KLHL7: variants seen among roughly 807,000 people sequenced by gnomAD.
The protein encoded by KLHL7 is kelch like family member 7, also known as kelch-like protein 7.
In KLHL7, 44 loss-of-function variants were observed where a neutral mutation model predicts 67.4. The ratio of observed to expected loss-of-function variants is 0.65; its 90% CI spans 0.51 to 0.84. The LOEUF (loss-of-function observed/expected upper bound fraction) is 0.84. KLHL7 is among the 40% of genes least tolerant of loss of function. The pLI is 0.00. For synonymous variants in KLHL7, 252 were observed against 243.3 expected (o/e 1.04, Z -0.33); for missense variants, 362 against 718.1 (o/e 0.50, Z 5.67).
intron 1 of KLHL7, among the ~76,000 whole-genome samples, chr7:23,119,661 C>T (rs1391891484): frequency 6.6e-6 from 1 of 152,244 alleles, no homozygotes; most frequent in Non-Finnish European, 1.5e-5. Flanking sequence ...TCTCCACCTT[C>T]TCACTACATT....
chr7:23,173,736 C>T (rs1370020637), intron 10 of KLHL7, among the ~76,000 whole-genome samples: 1 of 151,898 alleles, frequency 6.6e-6, no homozygotes, highest in African/African-American at 2.4e-5. Flanking sequence ...GGGAAATCAC[C>T]GATTGGTTTA....
chr7:23,154,799 C>T (rs1037381422), intron 7 of KLHL7, among the ~76,000 whole-genome samples: 1 of 152,164 alleles, frequency 6.6e-6, no homozygotes, highest in Admixed American at 6.5e-5. Context: ...AAAGTGTTAG[C>T]TATATGGCAA....
In KLHL7 at chr7:23,168,076, A is replaced by G. The variant is rs778302582; in HGVS notation, c.1379+39A>G. 8 of 1,573,508 alleles carry G rather than the reference A, an allele frequency of 5.1e-6. No individual in the cohort carries two copies. The African/African-American group carries it at 6.7e-5, about 13-fold the overall frequency. The stretch of plus-strand genomic sequence containing the variant: ...TAAAATTTATTTTACAGTTAACTGT[A>G]TTCTATAAGCTCTGTAGGAGATGTC... On this transcript the variant is annotated intron_variant, in intron 9 of 10. Transcript: ENST00000339077.
rs1785269260 is a variant in KLHL7, at chr7:23,175,189, C to T, written c.*891C>T. 1 of 453,896 alleles carries T rather than the reference C, an allele frequency of 2.2e-6. No homozygotes were observed. The highest frequency in any genetic ancestry group is 1.6e-5 in the South Asian group (1 of 64,472). 28.1% of individuals were successfully genotyped at this position (453,896 alleles called of 1,614,324 possible). ...GAGATCATGAATTCTTTTCCCTTAG[C>T]CAAAACATGAAATATTTAACCTAGT... is the stretch of plus-strand genomic sequence containing the variant. On this transcript the variant is annotated 3_prime_UTR_variant, in exon 11 of 11. Coordinates refer to ENST00000339077, the MANE Select transcript of KLHL7 (RefSeq NM_001031710.3).
At position 23,174,724 on chromosome 7, in the gene KLHL7, A is replaced by T. The variant is rs749269821; in HGVS notation, c.*426A>T. On this transcript the variant is annotated 3_prime_UTR_variant, in exon 11 of 11. Transcript: ENST00000339077. ...AGAACTAAGAAATAGTATGAATTGT[A>T]AGTCAAGATGGGCAACTCAGATGGA... 4 of 455,162 alleles carry T rather than the reference A, an allele frequency of 8.8e-6. No individual in the cohort carries two copies. Among genetic ancestry groups the T allele is most frequent in the African/African-American group, 2.0e-5 (1 of 50,050 alleles). 28.2% of individuals were successfully genotyped at this position (455,162 alleles called of 1,614,324 possible).
At chr7:23,159,545 T>A (rs1284459938) in intron 7 of KLHL7, among the ~76,000 whole-genome samples, 1 of 152,134 alleles carries the variant, frequency 6.6e-6, no homozygotes, top group Admixed American at 6.5e-5. Flanking sequence ...TCCTTCTTCT[T>A]CTTTGAAACA....
intron 5 of KLHL7, 129 bp downstream of exon 5, chr7:23,141,073 A>T: frequency 1.2e-6 from 1 of 858,680 alleles, no homozygotes. Flanking sequence ...CACTAAACAG[A>T]GTATTGTAAT....
At chr7:23,164,849 T>C (rs1014148220) in intron 7 of KLHL7, among the ~76,000 whole-genome samples, 14 of 152,342 alleles carry the variant, frequency 9.2e-5, no homozygotes, top group East Asian at 7.7e-4. Context: ...CTTGGTGAGA[T>C]TGGGAATGGT....
At chr7:23,147,281 G>T (rs1784388924) in intron 6 of KLHL7, among the ~76,000 whole-genome samples, 1 of 151,766 alleles carries the variant, frequency 6.6e-6, no homozygotes, top group Admixed American at 6.6e-5. Context: ...GCAGAGACAG[G>T]GTTTCGCCAT....
intron 4 of KLHL7, among the ~76,000 whole-genome samples, chr7:23,134,869 C>G (rs1783922888): frequency 6.6e-6 from 1 of 151,828 alleles, no homozygotes; most frequent in Non-Finnish European, 1.5e-5. Flanking sequence ...AAAGGTTTGT[C>G]CATTTTGTTT....
chr7:23,161,296 A>G (rs1003435080), intron 7 of KLHL7, among the ~76,000 whole-genome samples: 2 of 152,140 alleles, frequency 1.3e-5, no homozygotes, highest in African/African-American at 4.8e-5. Context: ...TACTCTCACC[A>G]TTTTATTATG....
chr7:23,126,008 A>T, intron 4 of KLHL7: 2 of 718,208 alleles, frequency 2.8e-6, no homozygotes, highest in Non-Finnish European at 2.5e-6. Flanking sequence ...AGACAGTAAA[A>T]GATTAACAAC....
At chr7:23,114,126 C>G (rs937169966) in intron 1 of KLHL7, among the ~76,000 whole-genome samples, 1 of 152,128 alleles carries the variant, frequency 6.6e-6, no homozygotes, top group African/African-American at 2.4e-5. Flanking sequence ...TAAAGTTACT[C>G]TGTTGAGGGC....
intron 6 of KLHL7, among the ~76,000 whole-genome samples, chr7:23,149,793 G>C (rs1023004293): frequency 7.9e-5 from 12 of 152,210 alleles, no homozygotes; most frequent in Non-Finnish European, 1.3e-4. Context: ...CCCTGACCTA[G>C]AGCTTGCGTC....
At chr7:23,162,796 A>G (rs1413949178) in intron 7 of KLHL7, among the ~76,000 whole-genome samples, 2 of 152,222 alleles carry the variant, frequency 1.3e-5, no homozygotes, top group East Asian at 3.8e-4. Context: ...TAATGGCTTA[A>G]GAGAAAGTAC....
Position 23,174,442 on chromosome 7 carries a change from TC to T in KLHL7, c.*145del. 1 of 810,186 alleles carries T rather than the reference TC, an allele frequency of 1.2e-6. No homozygotes were observed. The highest frequency in any genetic ancestry group is 2.6e-5 in the East Asian group (1 of 37,764). 50.2% of individuals were successfully genotyped at this position (810,186 alleles called of 1,614,324 possible). ...ATGAGGTTCCTATAAAATAGATGTT[TC>T]TTTTATATGGATTTCCTTAATTCAA... is the stretch of plus-strand genomic sequence containing the variant. On this transcript the variant is annotated 3_prime_UTR_variant, in exon 11 of 11. Coordinates refer to ENST00000339077, the MANE Select transcript of KLHL7 (RefSeq NM_001031710.3).
chr7:23,121,223 T>A (rs183855502), intron 1 of KLHL7, among the ~76,000 whole-genome samples: 49 of 152,332 alleles, frequency 3.2e-4, no homozygotes, highest in African/African-American at 1.1e-3. Flanking sequence ...ATATTTTCTT[T>A]ATCAATTCGT....
At chr7:23,133,632 C>G (rs1349625295) in intron 4 of KLHL7, among the ~76,000 whole-genome samples, 2 of 152,078 alleles carry the variant, frequency 1.3e-5, no homozygotes, top group African/African-American at 4.8e-5. Flanking sequence ...CTGGTTTTCA[C>G]CATGTTGGCC....
intron 10 of KLHL7, 66 bp from the exon 11 acceptor site, chr7:23,173,949 T>A: frequency 6.8e-7 from 1 of 1,475,490 alleles, no homozygotes; most frequent in Non-Finnish European, 9.5e-7. Context: ...AAAAAGTTAT[T>A]ACTTTAAGAA....
Sources: gnomAD v4.1 joint callset for allele counts (sites outside exome capture counted in the v4.1 genomes callset) on GRCh38, gnomAD v4.1.1 for gene constraint, MANE v1.5 for transcripts, NCBI Gene and HGNC (gene_info 2026-07-23, HGNC 2026-07-21) for gene names.